ASAP2: variants seen among roughly 807,000 people sequenced by gnomAD.
The protein encoded by ASAP2 is arf-GAP with SH3 domain, ANK repeat and PH domain-containing protein 2.
Under a neutral mutation model 131.4 loss-of-function variants are expected in ASAP2, and 45 were observed. The ratio of observed to expected loss-of-function variants is 0.34; its 90% CI spans 0.27 to 0.44. The LOEUF is 0.44. ASAP2 is among the 20% of genes least tolerant of loss of function. The pLI is 1.00. For missense variants in ASAP2, 1,011 were observed against 1,297.0 expected (o/e 0.78, Z 3.39); for synonymous variants, 510 against 503.0 (o/e 1.01, Z -0.19).
At chr2:9,302,916 G>T (rs1034847066) in intron 3 of ASAP2, among the ~76,000 whole-genome samples, 3 of 152,154 alleles carry the variant, frequency 2.0e-5, no homozygotes, top group African/African-American at 7.2e-5. Context: ...TGGCAGAGGG[G>T]CATCCTGGCT....
At chr2:9,287,634 TG>T (rs953664409) in intron 2 of ASAP2, among the ~76,000 whole-genome samples, 1 of 152,182 alleles carries the variant, frequency 6.6e-6, no homozygotes, top group African/African-American at 2.4e-5. Context: ...GTGAGCAGAC[TG>T]AGCGGCGAGC....
intron 11 of ASAP2, 149 bp from the exon 12 acceptor site, chr2:9,350,659 T>G (rs1672269044): frequency 1.7e-6 from 1 of 584,556 alleles, no homozygotes; most frequent in Non-Finnish European, 2.9e-6. Flanking sequence ...CTTGTCCCAG[T>G]CAAGCCTTCC....
intron 1 of ASAP2, among the ~76,000 whole-genome samples, chr2:9,252,914 C>CAAA (rs35078846): frequency 2.7e-4 from 29 of 108,440 alleles, no homozygotes; most frequent in Admixed American, 2.2e-3. Context: ...GACTCCGTCT[C>CAAA]AAAAAAAAAA....
intron 23 of ASAP2, among the ~76,000 whole-genome samples, chr2:9,393,278 C>T (rs1675859491): frequency 6.6e-6 from 1 of 152,336 alleles, no homozygotes; most frequent in African/African-American, 2.4e-5. Flanking sequence ...TTTAGGCTCC[C>T]AGCTTCCTTA....
chr2:9,247,355 G>T (rs980192687), intron 1 of ASAP2, among the ~76,000 whole-genome samples: 2 of 152,154 alleles, frequency 1.3e-5, no homozygotes, highest in African/African-American at 4.8e-5. Flanking sequence ...CAGATGCCTA[G>T]GGAGTCCCAG....
At chr2:9,240,937 A>G (rs1263190793) in intron 1 of ASAP2, among the ~76,000 whole-genome samples, 1 of 152,238 alleles carries the variant, frequency 6.6e-6, no homozygotes, top group African/African-American at 2.4e-5. Flanking sequence ...GGCAGGTAGC[A>G]TGGACCTTGT....
At chr2:9,339,666 G>A (rs1442612930) in intron 9 of ASAP2, among the ~76,000 whole-genome samples, 3 of 152,008 alleles carry the variant, frequency 2.0e-5, no homozygotes, top group Admixed American at 1.3e-4. Context: ...TGCTGTCGTT[G>A]TGTGTGACAT....
intron 2 of ASAP2, among the ~76,000 whole-genome samples, chr2:9,294,126 G>T (rs1417930907): frequency 2.0e-5 from 3 of 151,718 alleles, no homozygotes; most frequent in Non-Finnish European, 4.4e-5. Context: ...AGCCTCCCGA[G>T]TAGCTGGAAT....
intron 24 of ASAP2, 105 bp downstream of exon 24, chr2:9,393,752 C>A: frequency 8.1e-7 from 1 of 1,231,146 alleles, no homozygotes; most frequent in Non-Finnish European, 1.1e-6. Context: ...CCTACTCCAG[C>A]GTGGGCGCCA....
At chr2:9,399,912 C>T (rs971691673) in intron 24 of ASAP2, 111 bp from the exon 25 acceptor site, 16 of 1,098,306 alleles carry the variant, frequency 1.5e-5, no homozygotes, top group Non-Finnish European at 1.8e-5. Flanking sequence ...GTGGAGGAAA[C>T]CACCTCACAC....
Position 9,404,377 on chromosome 2 carries a change from T to A in ASAP2, c.*1050T>A, listed in dbSNP as rs1677012741. On this transcript the variant is annotated 3_prime_UTR_variant, in exon 28 of 28. Coordinates refer to ENST00000281419, the MANE Select transcript of ASAP2 (RefSeq NM_003887.3). ...ATATCAGAAATATATAGGTCCCAGG[T>A]AATACTCCCAAACATCCCACTTTTT... 6.6e-6 allele frequency: 1 copy of A among 152,254 alleles called. No homozygotes were observed. The highest frequency in any genetic ancestry group is 1.5e-5 in the Non-Finnish European group (1 of 68,054). 9.4% of individuals were successfully genotyped at this position (152,254 alleles called of 1,614,324 possible).
chr2:9,229,158 G>A (rs1043421046), intron 1 of ASAP2, among the ~76,000 whole-genome samples: 2 of 151,802 alleles, frequency 1.3e-5, no homozygotes, highest in African/African-American at 4.9e-5. Flanking sequence ...AGCCCCCCCC[G>A]CATCATCACA....
rs202225896 is a variant in ASAP2, at chr2:9,317,239, ACT to A, written c.346-1283_346-1282del. ...CACACTCACACAATCACACAACCAC[ACT>A]CATACACACCCCGTGCATCACACAC... On this transcript the variant is annotated intron_variant, in intron 3 of 27. Transcript: ENST00000281419. Among the ~76,000 whole-genome samples the A allele has an allele frequency of 5.8e-3, 867 of 149,024 alleles. 7 individuals are homozygous for A. Among genetic ancestry groups the A allele is most frequent in the African/African-American group, 0.02 (821 of 40,166 alleles).
At chr2:9,261,313 A>G (rs545285056) in intron 1 of ASAP2, among the ~76,000 whole-genome samples, 88 of 152,306 alleles carry the variant, frequency 5.8e-4, no homozygotes, top group African/African-American at 9.6e-4. Context: ...TCCTCCCTCC[A>G]TTGGCTGGAG....
intron 3 of ASAP2, among the ~76,000 whole-genome samples, chr2:9,301,040 G>A (rs896056841): frequency 1.8e-4 from 27 of 152,206 alleles, no homozygotes; most frequent in East Asian, 1.9e-4. Flanking sequence ...AATGGGGAGC[G>A]GATTATGGCG....
In ASAP2 at chr2:9,401,317, T is replaced by C; in HGVS notation, c.2867T>C (p.Val956Ala). The change falls in exon 27 of 28, where the codon GTG becomes GCG. Residue 956 changes from valine to alanine, a missense_variant. Transcript: ENST00000281419. ...CGGGTGAAAGCGCTCTATAACTGTG[T>C]GGCTGACAACCCCGATGAGCTCACC... ...PKRVKALYNC[V>A]ADNPDELTFS... The C allele has an allele frequency of 6.2e-7, 1 of 1,613,638 alleles. No homozygotes were observed. Among genetic ancestry groups the C allele is most frequent in the East Asian group, 2.2e-5 (1 of 44,846 alleles).
chr2:9,242,840 G>A, intron 1 of ASAP2, among the ~76,000 whole-genome samples: 1 of 152,204 alleles, frequency 6.6e-6, no homozygotes, highest in East Asian at 1.9e-4. Flanking sequence ...ATTGTCAGGT[G>A]AGACTATTAC....
At chr2:9,208,312 G>T (rs1452943664) in intron 1 of ASAP2, among the ~76,000 whole-genome samples, 1 of 128,842 alleles carries the variant, frequency 7.8e-6, no homozygotes, top group Non-Finnish European at 1.6e-5. Context: ...AGGTGTTTTA[G>T]CAGAAGACGC....
At position 9,347,054 on chromosome 2, in the gene ASAP2, A is replaced by G. The variant is rs945836650; in HGVS notation, c.1023+2254A>G. Among the ~76,000 whole-genome samples the G allele has an allele frequency of 3.7e-5, 5 of 134,954 alleles. No individual in the cohort carries two copies. The Admixed American group carries it at 3.8e-4, about 10-fold the overall frequency. 88.5% of individuals were successfully genotyped at this position (134,954 alleles called of 152,430 possible). On this transcript the variant is annotated intron_variant, in intron 11 of 27. Transcript: ENST00000281419. Reference sequence around the variant, plus strand: ...TGGAGGGGAAAACCCTCTCCAGGGAATCTCCACTTCCAGAGGTCTCCTCCT... The same window carrying G: ...TGGAGGGGAAAACCCTCTCCAGGGAGTCTCCACTTCCAGAGGTCTCCTCCT...
Sources: gnomAD v4.1 joint callset for allele counts (sites outside exome capture counted in the v4.1 genomes callset) on GRCh38, gnomAD v4.1.1 for gene constraint, MANE v1.5 for transcripts, NCBI Gene and HGNC (gene_info 2026-07-23, HGNC 2026-07-21) for gene names.